Variants in RUNX2 observed in about 807,000 individuals in gnomAD.
RUNX2 encodes runt-related transcription factor 2.
Under a neutral mutation model 51.7 loss-of-function variants are expected in RUNX2, and 10 were observed. The ratio of observed to expected loss-of-function variants is 0.19; its 90% CI spans 0.12 to 0.33. The LOEUF is 0.33. Ranked by LOEUF, RUNX2 falls within the 10% of genes least tolerant of loss-of-function variation. The pLI is 1.00. For synonymous variants in RUNX2, 276 were observed against 273.6 expected (o/e 1.01, Z -0.09); for missense variants, 562 against 691.3 (o/e 0.81, Z 2.10).
In RUNX2 at chr6:45,355,079, A is replaced by G. The variant is rs565435781; in HGVS notation, c.58+26295A>G. On this transcript the variant is annotated intron_variant, in intron 2 of 8. Transcript: ENST00000647337. ...AGACTCAACCACTTGGGCTTAAGCAATCCTTCCACCTCAGCCTCCCAAGCA... is the reference window on the plus strand; with the variant it reads ...AGACTCAACCACTTGGGCTTAAGCAGTCCTTCCACCTCAGCCTCCCAAGCA... Among the ~76,000 whole-genome samples the G allele has an allele frequency of 4.0e-5, 6 of 151,832 alleles. No individual in the cohort carries two copies. In the East Asian group the frequency reaches 1.2e-3, roughly 30 times the overall value.
At chr6:45,342,095 G>A (rs867644200) in intron 2 of RUNX2, among the ~76,000 whole-genome samples, 13 of 152,192 alleles carry the variant, frequency 8.5e-5, no homozygotes, top group Middle Eastern at 3.4e-3. Context: ...TTATGGAAGA[G>A]GCAAAGAATA....
chr6:45,547,383 C>CAT lies in RUNX2; in HGVS notation c.*85_*86dup, dbSNP rs1170546653. On this transcript the variant is annotated 3_prime_UTR_variant, in exon 9 of 9. Transcript: ENST00000647337. ...AATATATACATATATAGAGAGAGTG[C>CAT]ATATATATGTATATCGATTAGCTAT... 25 of 1,136,042 alleles carry CAT rather than the reference C, an allele frequency of 2.2e-5. No individual in the cohort carries two copies. In the South Asian group the frequency reaches 2.2e-4, roughly 10 times the overall value. 70.4% of individuals were successfully genotyped at this position (1,136,042 alleles called of 1,614,324 possible).
chr6:45,340,395 C>T lies in RUNX2; in HGVS notation c.58+11611C>T, dbSNP rs562608351. On this transcript the variant is annotated intron_variant, in intron 2 of 8. Transcript: ENST00000647337. Reference sequence around the variant, plus strand: ...CTAGAGTGCACTGGCATGATCACAGCTCACTGCAACTTTGACCTCCTGAGC... The same window carrying T: ...CTAGAGTGCACTGGCATGATCACAGTTCACTGCAACTTTGACCTCCTGAGC... Among the ~76,000 whole-genome samples, 14 of 152,258 alleles carry T rather than the reference C, an allele frequency of 9.2e-5. No individual in the cohort carries two copies. The South Asian group carries it at 2.9e-3, about 32-fold the overall frequency.
intron 2 of RUNX2, among the ~76,000 whole-genome samples, chr6:45,332,692 A>G (rs150868037): frequency 3.3e-5 from 5 of 151,942 alleles, no homozygotes; most frequent in Non-Finnish European, 7.4e-5. Flanking sequence ...CTACCTCTAT[A>G]GCATCTATTA....
intron 2 of RUNX2, among the ~76,000 whole-genome samples, chr6:45,399,101 A>G (rs1797642378): frequency 1.3e-5 from 2 of 152,188 alleles, no homozygotes; most frequent in Middle Eastern, 3.4e-3. Context: ...AATTAGTGAT[A>G]TTATTCACAT....
intron 2 of RUNX2, among the ~76,000 whole-genome samples, chr6:45,371,200 G>A (rs1796008293): frequency 6.6e-6 from 1 of 152,132 alleles, no homozygotes; most frequent in Admixed American, 6.6e-5. Flanking sequence ...CTCTCTTCCA[G>A]TCTAGAGTCA....
intron 7 of RUNX2, among the ~76,000 whole-genome samples, chr6:45,532,247 A>T (rs1419073662): frequency 2.1e-5 from 3 of 143,562 alleles, no homozygotes; most frequent in African/African-American, 7.9e-5. Flanking sequence ...TTTTTAATGA[A>T]TGGGGACCAT....
chr6:45,511,161 C>G (rs915547615), intron 6 of RUNX2, among the ~76,000 whole-genome samples: 1 of 152,010 alleles, frequency 6.6e-6, no homozygotes, highest in Non-Finnish European at 1.5e-5. Context: ...ACTTTTTTTG[C>G]TTTGGAAACA....
intron 5 of RUNX2, among the ~76,000 whole-genome samples, chr6:45,470,306 T>C (rs1233739353): frequency 6.6e-6 from 1 of 152,200 alleles, no homozygotes; most frequent in East Asian, 1.9e-4. Context: ...ATTACTTTCT[T>C]TCCATCTCTT....
At chr6:45,536,620 TG>T (rs1802043204) in intron 7 of RUNX2, among the ~76,000 whole-genome samples, 1 of 152,232 alleles carries the variant, frequency 6.6e-6, no homozygotes, top group Non-Finnish European at 1.5e-5. Context: ...GATTCGGCCT[TG>T]AAAACAGCCG....
At chr6:45,539,053 G>A (rs773600910) in intron 7 of RUNX2, among the ~76,000 whole-genome samples, 2 of 151,796 alleles carry the variant, frequency 1.3e-5, no homozygotes, top group Non-Finnish European at 2.9e-5. Context: ...TCTTTGGCTC[G>A]TTCCTTCCCT....
chr6:45,341,116 A>G (rs1009181365), intron 2 of RUNX2, among the ~76,000 whole-genome samples: 1 of 152,194 alleles, frequency 6.6e-6, no homozygotes, highest in South Asian at 2.1e-4. Context: ...AATCCTTGAC[A>G]TGTACTATTC....
chr6:45,330,175 C>T (rs1787169005), intron 2 of RUNX2, among the ~76,000 whole-genome samples: 1 of 151,804 alleles, frequency 6.6e-6, no homozygotes, highest in African/African-American at 2.4e-5. Context: ...TGGGCCCCCT[C>T]AGTTATAATA....
chr6:45,491,523 T>C (rs1252763831), intron 5 of RUNX2, among the ~76,000 whole-genome samples: 1 of 152,038 alleles, frequency 6.6e-6, no homozygotes, highest in African/African-American at 2.4e-5. Context: ...TCCAGCTTTG[T>C]GACATTGTGG....
chr6:45,496,257 TGG>T (rs754597351), intron 6 of RUNX2, among the ~76,000 whole-genome samples: 4 of 152,150 alleles, frequency 2.6e-5, no homozygotes, highest in Non-Finnish European at 2.9e-5. Context: ...TTTGGTGGAT[TGG>T]GACATTCATC....
Position 45,409,189 on chromosome 6 carries a change from G to A in RUNX2, c.59-13404G>A, listed in dbSNP as rs142208320. On this transcript the variant is annotated intron_variant, in intron 2 of 8. Coordinates refer to ENST00000647337, the MANE Select transcript of RUNX2 (RefSeq NM_001024630.4). ...TGGTTGGAAGAACACCACCAATATT[G>A]GAATGGAGACTTGTCTCTTCCTTTT... Among the ~76,000 whole-genome samples, 14 of 152,198 alleles carry A rather than the reference G, an allele frequency of 9.2e-5. 1 individual carries two copies. In the East Asian group the frequency reaches 2.7e-3, roughly 29 times the overall value.
intron 2 of RUNX2, among the ~76,000 whole-genome samples, chr6:45,417,692 C>G (rs777679027): frequency 1.2e-4 from 19 of 152,130 alleles, no homozygotes; most frequent in Non-Finnish European, 2.8e-4. Context: ...CGTACAGTGT[C>G]ACAACTACCC....
intron 2 of RUNX2, among the ~76,000 whole-genome samples, chr6:45,417,294 A>T (rs1004397767): frequency 3.3e-5 from 5 of 151,990 alleles, no homozygotes; most frequent in African/African-American, 9.7e-5. Flanking sequence ...ACTCTTCTTC[A>T]TCTATGCAGT....
chr6:45,393,393 A>T (rs991872565), intron 2 of RUNX2, among the ~76,000 whole-genome samples: 10 of 152,082 alleles, frequency 6.6e-5, no homozygotes, highest in African/African-American at 2.4e-4. Context: ...AGTGTCTAAA[A>T]TGTACTATTA....
Sources: allele counts gnomAD v4.1 joint callset (sites outside exome capture counted in the v4.1 genomes callset), GRCh38; gene constraint gnomAD v4.1.1; transcripts MANE v1.5; gene names NCBI Gene and HGNC (gene_info 2026-07-23, HGNC 2026-07-21).